The following LRRC75A variants were observed in gnomAD, a reference collection of about 807,000 sequenced individuals.
LRRC75A encodes leucine-rich repeat-containing protein 75A.
In LRRC75A, 12 loss-of-function variants were observed where a neutral mutation model predicts 26.0. The ratio of observed to expected loss-of-function variants is 0.46; its 90% CI spans 0.30 to 0.75. The LOEUF (loss-of-function observed/expected upper bound fraction) is 0.75, where lower values mean the gene tolerates loss of function less well. Among genes scored for constraint, LRRC75A ranks in the 30% least tolerant of loss-of-function variants. The pLI, the probability that LRRC75A is intolerant of heterozygous loss-of-function variation, is 0.08. For synonymous variants in LRRC75A, 223 were observed against 219.3 expected, an observed-to-expected ratio of 1.02 and a Z score of -0.15; for missense variants, 410 against 486.6, an observed-to-expected ratio of 0.84 and a Z score of 1.48.
chr17:16,452,748 A>G (rs943240277), intron 2 of LRRC75A, among the ~76,000 whole-genome samples: 1 of 151,910 alleles, frequency 6.6e-6, no homozygotes, highest in Non-Finnish European at 1.5e-5. Context: ...GGGGATTTTT[A>G]AAAGGTCCCC....
At chr17:16,457,188 C>T (rs1262735393) in intron 2 of LRRC75A, among the ~76,000 whole-genome samples, 1 of 152,212 alleles carries the variant, frequency 6.6e-6, no homozygotes, top group Non-Finnish European at 1.5e-5. Flanking sequence ...AAGCACAGCC[C>T]TCCACTGCCC....
At chr17:16,483,372 G>A (rs529104052) in intron 1 of LRRC75A, among the ~76,000 whole-genome samples, 8 of 152,328 alleles carry the variant, frequency 5.3e-5, no homozygotes, top group African/African-American at 1.2e-4. Context: ...GGTTGGCCTC[G>A]GCAGTATGGG....
At chr17:16,454,286 G>A (rs1230122489) in intron 2 of LRRC75A, among the ~76,000 whole-genome samples, 1 of 152,162 alleles carries the variant, frequency 6.6e-6, no homozygotes, top group African/African-American at 2.4e-5. Flanking sequence ...CAGCTACTTG[G>A]TAGGCTGAGG....
chr17:16,457,711 A>G (rs1288735576), intron 2 of LRRC75A, among the ~76,000 whole-genome samples: 1 of 151,982 alleles, frequency 6.6e-6, no homozygotes, highest in Non-Finnish European at 1.5e-5. Flanking sequence ...CACACCTGCA[A>G]TCCTAGTGCT....
At chr17:16,490,861 G>A (rs1296874148) in intron 1 of LRRC75A, among the ~76,000 whole-genome samples, 1 of 152,192 alleles carries the variant, frequency 6.6e-6, no homozygotes, top group Non-Finnish European at 1.5e-5. Flanking sequence ...TGATGCAGGA[G>A]AGCAGCTTTG....
rs945408568 is a variant in LRRC75A, at chr17:16,491,915, G to C, written c.76C>G (p.Arg26Gly). Reference sequence around the variant, plus strand: ...AGCAGCGACGCCCAGAAGTCCGGCCGTTCGCGTCGGGGGCCCGGCGCGGCG... The same window carrying C: ...AGCAGCGACGCCCAGAAGTCCGGCCCTTCGCGTCGGGGGCCCGGCGCGGCG... ...PGAAPGPRRE[R>G]PDFWASLLLR... Residue 26 changes from arginine (R) to glycine (G), a missense_variant, in exon 1 of 4, where the codon CGG (arginine) becomes GGG (glycine). Arg to Gly is a moderately radical substitution (Grantham distance 125). Transcript: ENST00000470794. This position sits in a 1 kb window ranked among gnomAD's most constrained non-coding sequence, Gnocchi z 5.9. 1.6e-6 allele frequency: 2 copies of C among 1,269,156 alleles called. No individual in the cohort carries two copies. The highest frequency in any genetic ancestry group is 2.0e-6 in the Non-Finnish European group (2 of 1,010,314). The allele number at this position is 1,269,156 out of a possible 1,614,324, so 78.6% of individuals were successfully genotyped here.
intron 1 of LRRC75A, among the ~76,000 whole-genome samples, chr17:16,473,804 G>A (rs1160517383): frequency 1.3e-5 from 2 of 152,224 alleles, no homozygotes; most frequent in East Asian, 3.9e-4. Context: ...CGGCAGGCTG[G>A]CCCTCCTCGA....
At chr17:16,490,381 C>G (rs2093854849) in intron 1 of LRRC75A, among the ~76,000 whole-genome samples, 2 of 152,214 alleles carry the variant, frequency 1.3e-5, no homozygotes, top group African/African-American at 4.8e-5. Flanking sequence ...GAAATACACA[C>G]TGCTAAAGTT....
chr17:16,485,100 T>C (rs2093843420), intron 1 of LRRC75A, among the ~76,000 whole-genome samples: 1 of 152,012 alleles, frequency 6.6e-6, no homozygotes, highest in Admixed American at 6.6e-5. Flanking sequence ...AGGTCTCTGT[T>C]CTCATTCAGA....
At chr17:16,485,994 C>G (rs939608635) in intron 1 of LRRC75A, among the ~76,000 whole-genome samples, 3 of 152,200 alleles carry the variant, frequency 2.0e-5, no homozygotes, top group African/African-American at 7.2e-5. Context: ...ACAGTAGAAA[C>G]ACTTCAGAAG....
chr17:16,488,603 G>A (rs1349640284), intron 1 of LRRC75A, among the ~76,000 whole-genome samples: 1 of 152,200 alleles, frequency 6.6e-6, no homozygotes, highest in Non-Finnish European at 1.5e-5. Context: ...GTTATCTGCT[G>A]GGCCCAAGGT....
chr17:16,445,176 T>C (rs1403684871), intron 3 of LRRC75A, among the ~76,000 whole-genome samples: 1 of 143,422 alleles, frequency 7.0e-6, no homozygotes, highest in African/African-American at 2.6e-5. Flanking sequence ...TTTTTTTTTT[T>C]TTTTTTTTTG....
intron 1 of LRRC75A, among the ~76,000 whole-genome samples, chr17:16,475,696 C>T (rs2093817996): frequency 6.6e-6 from 1 of 152,052 alleles, no homozygotes; most frequent in South Asian, 2.1e-4. Flanking sequence ...CCTCAGCCCC[C>T]TGAATAGCTG....
At chr17:16,483,412 T>A (rs2143423922) in intron 1 of LRRC75A, among the ~76,000 whole-genome samples, 1 of 152,274 alleles carries the variant, frequency 6.6e-6, no homozygotes, top group African/African-American at 2.4e-5. Context: ...TGGGGAGGTA[T>A]CTGTCCCCTC....
rs190480761 is a variant in LRRC75A at position 16,482,004 on chromosome 17, T to G, written c.246+9741A>C. Among the ~76,000 whole-genome samples the G allele has an allele frequency of 2.9e-4, 44 of 152,264 alleles. No homozygotes were observed. In the East Asian group the frequency reaches 7.9e-3, roughly 27 times the overall value. On this transcript the variant is annotated intron_variant, in intron 1 of 3. Transcript: ENST00000470794. ...GTACTGCCAGGTGCGCGGTGTCTAC[T>G]GGGCGGTCTAGGTCCAGGGCAGGAA...
chr17:16,453,713 C>G (rs1024002783), intron 2 of LRRC75A, among the ~76,000 whole-genome samples: 1 of 152,098 alleles, frequency 6.6e-6, no homozygotes, highest in African/African-American at 2.4e-5. Flanking sequence ...AGCATGGCGC[C>G]GGGGCCAGCA....
rs1292096068 is a variant in LRRC75A at position 16,442,202 on chromosome 17, C to T, written c.*1386G>A. 1 of 152,306 alleles carries T rather than the reference C, an allele frequency of 6.6e-6. No homozygotes were observed. The highest frequency in any genetic ancestry group is 1.5e-5 in the Non-Finnish European group (1 of 68,140). 9.4% of individuals were successfully genotyped at this position (152,306 alleles called of 1,614,324 possible). ...CATTTAAGGCCTCCTCAATTTCGGC[C>T]CCTGCTGCTCTGTGCTCTGTTCCTT... is the stretch of plus-strand genomic sequence containing the variant. On this transcript the variant is annotated 3_prime_UTR_variant, in exon 4 of 4. Coordinates refer to ENST00000470794, the MANE Select transcript of LRRC75A (RefSeq NM_001113567.3).
intron 1 of LRRC75A, among the ~76,000 whole-genome samples, chr17:16,475,801 C>T (rs780988747): frequency 2.6e-5 from 4 of 152,166 alleles, no homozygotes; most frequent in Admixed American, 2.0e-4. Context: ...AATCCCAGCA[C>T]TTTGGGAGGC....
At chr17:16,475,563 T>C (rs765643058) in intron 1 of LRRC75A, among the ~76,000 whole-genome samples, 4 of 152,172 alleles carry the variant, frequency 2.6e-5, no homozygotes, top group Non-Finnish European at 5.9e-5. Context: ...TTTATCCATT[T>C]ATGCTTTTGA....
Sources: gnomAD v4.1 joint callset for allele counts (sites outside exome capture counted in the v4.1 genomes callset) on GRCh38, gnomAD v4.1.1 for gene constraint, Gnocchi (gnomAD v3.1) non-coding constraint, MANE v1.5 for transcripts, NCBI Gene and HGNC (gene_info 2026-07-23, HGNC 2026-07-21) for gene names.